Variants in DGKG observed in about 807,000 individuals in gnomAD.
The protein encoded by DGKG is DAG kinase gamma.
DGKG carries 78 observed loss-of-function variants against 105.3 expected under a neutral mutation model. The ratio of observed to expected loss-of-function variants is 0.74; its 90% CI spans 0.62 to 0.89. The LOEUF (loss-of-function observed/expected upper bound fraction) is 0.89, where lower values mean the gene tolerates loss of function less well. Ranked by LOEUF, DGKG falls within the 40% of genes least tolerant of loss-of-function variation. DGKG has a pLI of 0.00. For missense variants in DGKG, 958 were observed against 1,020.1 expected (o/e 0.94, Z 0.83); for synonymous variants, 346 against 367.1 (o/e 0.94, Z 0.66).
At chr3:186,170,548 G>A (rs1015705418) in intron 22 of DGKG, among the ~76,000 whole-genome samples, 2 of 152,168 alleles carry the variant, frequency 1.3e-5, no homozygotes, top group Admixed American at 6.5e-5. Context: ...ACAGAAGTTG[G>A]AGTGAAGAAG....
At chr3:186,242,941 C>T (rs1720759647) in intron 19 of DGKG, among the ~76,000 whole-genome samples, 2 of 152,136 alleles carry the variant, frequency 1.3e-5, no homozygotes, top group Admixed American at 6.5e-5. Flanking sequence ...TGGGGCTGAG[C>T]ATGAGTCTCT....
intron 19 of DGKG, among the ~76,000 whole-genome samples, chr3:186,249,640 G>A (rs541255394): frequency 1.3e-5 from 2 of 152,298 alleles, no homozygotes; most frequent in South Asian, 4.1e-4. Context: ...TCAGGAGTTT[G>A]AGACCAGCCT....
chr3:186,204,974 A>T (rs1334179885), intron 21 of DGKG, among the ~76,000 whole-genome samples: 2 of 152,098 alleles, frequency 1.3e-5, no homozygotes, highest in Non-Finnish European at 2.9e-5. Context: ...GTGACGAACC[A>T]GGCCAGGTGC....
At chr3:186,199,088 C>T (rs1191819174) in intron 21 of DGKG, among the ~76,000 whole-genome samples, 2 of 152,056 alleles carry the variant, frequency 1.3e-5, no homozygotes, top group East Asian at 1.9e-4. Context: ...GCTGGGACTA[C>T]AGGCGCATGC....
chr3:186,173,250 A>G (rs1451899676), intron 22 of DGKG, among the ~76,000 whole-genome samples: 1 of 152,260 alleles, frequency 6.6e-6, no homozygotes, highest in African/African-American at 2.4e-5. Context: ...TTTGGGGGAC[A>G]CAATTCGGCC....
At chr3:186,232,897 T>C (rs1336241868) in intron 20 of DGKG, among the ~76,000 whole-genome samples, 2 of 152,226 alleles carry the variant, frequency 1.3e-5, no homozygotes, top group Non-Finnish European at 2.9e-5. Context: ...GGTTATTATC[T>C]GATGTAGGAT....
chr3:186,267,671 G>T lies in DGKG; in HGVS notation c.1209+14C>A. On this transcript the variant is annotated intron_variant, in intron 13 of 24. Coordinates refer to ENST00000265022, the MANE Select transcript of DGKG (RefSeq NM_001346.3). The stretch of plus-strand genomic sequence containing the variant: ...CGGAGAAGCTACAGCCCTCGCCGGG[G>T]CAGGAGCACTTACCCGGGTGATGGG... 3.7e-6 allele frequency: 6 copies of T among 1,609,840 alleles called. No individual in the cohort carries two copies. The highest frequency in any genetic ancestry group is 5.1e-6 in the Non-Finnish European group (6 of 1,176,108).
intron 1 of DGKG, among the ~76,000 whole-genome samples, chr3:186,350,958 T>C (rs1367991194): frequency 6.6e-6 from 1 of 152,222 alleles, no homozygotes; most frequent in Non-Finnish European, 1.5e-5. Flanking sequence ...GTTGCTGTTG[T>C]TTAGTTTTGG....
chr3:186,291,676 C>A (rs1377450574), intron 5 of DGKG, among the ~76,000 whole-genome samples: 2 of 148,554 alleles, frequency 1.3e-5, no homozygotes, highest in African/African-American at 4.9e-5. Flanking sequence ...TATATAAAAT[C>A]TAGACAATGT....
Position 186,149,831 on chromosome 3 carries a change from A to G in DGKG, c.*259T>C. Reference sequence around the variant, plus strand: ...GAATGTGGAGGTTGCTGCCTAAGCCAGCCACAACCTCATGGGCCCTAAGTC... The same window carrying G: ...GAATGTGGAGGTTGCTGCCTAAGCCGGCCACAACCTCATGGGCCCTAAGTC... On this transcript the variant is annotated 3_prime_UTR_variant, in exon 25 of 25. Coordinates refer to ENST00000265022, the MANE Select transcript of DGKG (RefSeq NM_001346.3). 8.4e-7 allele frequency: 1 copy of G among 1,183,996 alleles called. No homozygotes were observed. The highest frequency in any genetic ancestry group is 1.0e-6 in the Non-Finnish European group (1 of 954,866). 73.3% of individuals were successfully genotyped at this position (1,183,996 alleles called of 1,614,324 possible).
chr3:186,207,597 C>T, intron 21 of DGKG: 5 of 426,904 alleles, frequency 1.2e-5, no homozygotes, highest in Non-Finnish European at 1.6e-5. Flanking sequence ...GTAGACTAAC[C>T]CCTATGCCCC....
intron 22 of DGKG, among the ~76,000 whole-genome samples, chr3:186,174,688 G>A (rs1275843783): frequency 9.4e-6 from 1 of 106,494 alleles, no homozygotes; most frequent in Non-Finnish European, 2.0e-5. Context: ...GTGTGTGTGT[G>A]TGTGTGTGTG....
intron 15 of DGKG, 30 bp downstream of exon 15, chr3:186,261,669 T>C (rs771137502): frequency 6.6e-7 from 1 of 1,519,012 alleles, no homozygotes; most frequent in African/African-American, 1.4e-5. Flanking sequence ...TCGCCCTAGT[T>C]GCTCCACTTT....
Position 186,229,528 on chromosome 3 carries a change from A to G in DGKG, c.1826+12976T>C, listed in dbSNP as rs191135232. The stretch of plus-strand genomic sequence containing the variant: ...CCAAAGTGCTGGGATTACAGGCATG[A>G]GCCACTGCGCCAGGCCAGACATGCA... On this transcript the variant is annotated intron_variant, in intron 20 of 24. Coordinates refer to ENST00000265022, the MANE Select transcript of DGKG (RefSeq NM_001346.3). Among the ~76,000 whole-genome samples the G allele has an allele frequency of 7.2e-5, 11 of 152,324 alleles. No individual in the cohort carries two copies. In the East Asian group the frequency reaches 2.1e-3, roughly 29 times the overall value.
chr3:186,203,501 GA>G lies in DGKG; in HGVS notation c.1917+8293del, dbSNP rs1718576629. ...GCCCACATATTAGGAGTAGCGGAAA[GA>G]AACCGATTAGGAGGAAGCAGAAAGA... On this transcript the variant is annotated intron_variant, in intron 21 of 24. Coordinates refer to ENST00000265022, the MANE Select transcript of DGKG (RefSeq NM_001346.3). The surrounding 1 kb of genome is among the most constrained non-coding windows in gnomAD (Gnocchi z 4.9). 6.6e-6 allele frequency among the ~76,000 whole-genome samples: 1 copy of G among 152,192 alleles called. No homozygotes were observed. The highest frequency in any genetic ancestry group is 6.5e-5 in the Admixed American group (1 of 15,284).
intron 1 of DGKG, among the ~76,000 whole-genome samples, chr3:186,360,012 T>G (rs1258491907): frequency 6.6e-6 from 1 of 152,144 alleles, no homozygotes; most frequent in African/African-American, 2.4e-5. Context: ...GGGGCCAGCA[T>G]CCACCAACTC....
At chr3:186,223,284 C>T (rs887330981) in intron 20 of DGKG, among the ~76,000 whole-genome samples, 5 of 151,428 alleles carry the variant, frequency 3.3e-5, no homozygotes, top group Admixed American at 6.6e-5. Context: ...GGAATGGAGA[C>T]GCCAGAGGGA....
intron 1 of DGKG, among the ~76,000 whole-genome samples, chr3:186,359,411 T>C (rs1344418802): frequency 6.6e-6 from 1 of 152,100 alleles, no homozygotes; most frequent in Non-Finnish European, 1.5e-5. Flanking sequence ...GAAAACAATG[T>C]TCATGAAGGT....
In DGKG at chr3:186,261,794, A is replaced by C; in HGVS notation, c.1270-16T>G. The C allele has an allele frequency of 6.4e-7, 1 of 1,551,122 alleles. No individual in the cohort carries two copies. Among genetic ancestry groups the C allele is most frequent in the Non-Finnish European group, 8.8e-7 (1 of 1,135,434 alleles). ...TGATCTTATACTTGAAAGGTAAAAG[A>C]AAAAGAAATTAGCTCTGCTTCATCC... On this transcript the variant is annotated splice_polypyrimidine_tract_variant and intron_variant, in intron 14 of 24. Coordinates refer to ENST00000265022, the MANE Select transcript of DGKG (RefSeq NM_001346.3).
Sources: allele counts gnomAD v4.1 joint callset (sites outside exome capture counted in the v4.1 genomes callset), GRCh38; gene constraint gnomAD v4.1.1; non-coding constraint Gnocchi (gnomAD v3.1); transcripts MANE v1.5; gene names NCBI Gene and HGNC (gene_info 2026-07-23, HGNC 2026-07-21).